Variants in FREM3 observed in about 807,000 individuals in gnomAD.
FREM3 encodes the protein FRAS1 related extracellular matrix 3, also known as FRAS1-related extracellular matrix protein 3.
FREM3 carries 105 observed loss-of-function variants against 129.1 expected under a neutral mutation model. That is an observed-to-expected ratio of 0.81 (90% CI 0.69 to 0.96). The LOEUF is 0.96. Among genes scored for constraint, FREM3 ranks in the 40% least tolerant of loss-of-function variants. The pLI, the probability that FREM3 is intolerant of heterozygous loss-of-function variation, is 0.00. For synonymous variants in FREM3, 1,014 were observed against 1,044.9 expected (o/e 0.97, Z 0.57); for missense variants, 2,593 against 2,666.3 (o/e 0.97, Z 0.61).
chr4:143,661,712 C>T (rs146463716), intron 2 of FREM3, among the ~76,000 whole-genome samples: 3,945 of 152,286 alleles, frequency 0.026, 171 homozygotes, highest in African/African-American at 0.089. Context: ...GTGAATACAT[C>T]TGGTCCTGGA....
At chr4:143,620,919 G>T in intron 5 of FREM3, 118 bp downstream of exon 5, 2 of 995,982 alleles carry the variant, frequency 2.0e-6, no homozygotes, top group Non-Finnish European at 2.9e-6. Flanking sequence ...ACAATGAGGG[G>T]CCCAGGCATC....
chr4:143,649,210 A>G (rs932916455), intron 2 of FREM3: 11 of 152,252 alleles, frequency 7.2e-5, no homozygotes, highest in Non-Finnish European at 1.6e-4. Context: ...AAAGTTTTAA[A>G]TGGATTCTAT....
At position 143,593,904 on chromosome 4, in the gene FREM3, C is replaced by G. The variant is rs1383578983; in HGVS notation, c.6029-7911G>C. The stretch of plus-strand genomic sequence containing the variant: ...CTACCCAGTTTGAGCTTTCCAGCCG[C>G]TTTGGCTCAAGCCTCGGCAATGGCG... On this transcript the variant is annotated intron_variant, in intron 6 of 7. Coordinates refer to ENST00000329798, the MANE Select transcript of FREM3 (RefSeq NM_001168235.2). 2.0e-5 allele frequency among the ~76,000 whole-genome samples: 3 copies of G among 152,266 alleles called. No individual in the cohort carries two copies. In the East Asian group the frequency reaches 5.8e-4, roughly 29 times the overall value.
Position 143,697,802 on chromosome 4 carries a change from G to T in FREM3, c.2874C>A (p.Asp958Glu). 1 of 1,537,454 alleles carries T rather than the reference G, an allele frequency of 6.5e-7. No homozygotes were observed. ...TTTCAGTGGCTTTATTCTCTAGTAC[G>T]TCTATAGAAACATCCAATAATGAAC... ...RSSSLLDVSI[D>E]VLENKATEIT... The change falls in exon 1 of 8, where the codon GAC becomes GAA. Residue 958 changes from aspartate (D) to glutamate (E), a missense_variant. Physicochemically the swap from Asp to Glu is conservative, Grantham distance 45. Transcript: ENST00000329798.
intron 6 of FREM3, among the ~76,000 whole-genome samples, chr4:143,597,376 C>T (rs972939734): frequency 6.6e-6 from 1 of 152,084 alleles, no homozygotes; most frequent in Non-Finnish European, 1.5e-5. Context: ...AACTATAGTG[C>T]CCAAATGAAA....
intron 4 of FREM3, among the ~76,000 whole-genome samples, chr4:143,623,775 G>A: frequency 6.6e-6 from 1 of 152,142 alleles, no homozygotes; most frequent in South Asian, 2.1e-4. Flanking sequence ...ACTGTGAAAA[G>A]ATGGTGGCCC....
In FREM3 at chr4:143,695,562, G is replaced by T. The variant is rs1328908568; in HGVS notation, c.5114C>A (p.Thr1705Asn). Residue 1705 changes from threonine (T) to asparagine (N), a missense_variant, in exon 1 of 8, where the codon ACC (threonine) becomes AAC (asparagine). By Grantham distance (65) the Thr-to-Asn change is moderately conservative. This residue lies in a region of FREM3 where 2,276 missense variants were observed against 2,267.2 expected (regional missense o/e 1.00). Coordinates refer to ENST00000329798, the MANE Select transcript of FREM3 (RefSeq NM_001168235.2). The stretch of plus-strand genomic sequence containing the variant: ...AATGAAGCCATGCTCTGGTCCTCTG[G>T]TCACTTTATACTTCAGAAGCCTGTG... ...SPHRLLKYKV[T>N]RGPEHGFIIK... 11 of 1,537,348 alleles carry T rather than the reference G, an allele frequency of 7.2e-6. No homozygotes were observed. The East Asian group carries it at 2.7e-4, about 38-fold the overall frequency.
Position 143,627,750 on chromosome 4 carries a change from T to C in FREM3, c.5286A>G (p.Lys1762=), listed in dbSNP as rs541068220. 43 of 1,535,088 alleles carry C rather than the reference T, an allele frequency of 2.8e-5. No individual in the cohort carries two copies. The African/African-American group carries it at 5.2e-4, about 19-fold the overall frequency. The change falls in exon 3 of 8, where the codon AAA becomes AAG. Residue 1762 remains lysine (K), a synonymous_variant. Transcript: ENST00000329798. ...YFSVEDNGGN[K]LTNQPFHLNW... The stretch of plus-strand genomic sequence containing the variant: ...TTAGATGGAAAGGCTGATTTGTTAG[T>C]TTATTTCCTCCTGCAATTGATAGGG...
chr4:143,596,384 G>A (rs1288630829), intron 6 of FREM3, among the ~76,000 whole-genome samples: 1 of 152,146 alleles, frequency 6.6e-6, no homozygotes, highest in East Asian at 1.9e-4. Flanking sequence ...GTGATGGAGT[G>A]GAAGAGGTGA....
chr4:143,653,269 A>G (rs1165495058), intron 2 of FREM3, among the ~76,000 whole-genome samples: 1 of 152,228 alleles, frequency 6.6e-6, no homozygotes, highest in Non-Finnish European at 1.5e-5. Context: ...GCTGGACTGC[A>G]TTCTCATCTG....
chr4:143,618,556 C>A (rs1738892000), intron 5 of FREM3, among the ~76,000 whole-genome samples: 1 of 152,050 alleles, frequency 6.6e-6, no homozygotes, highest in Admixed American at 6.6e-5. Flanking sequence ...CAAACTTAAC[C>A]TGCCTTGCTT....
intron 6 of FREM3, among the ~76,000 whole-genome samples, chr4:143,600,000 G>A (rs574826552): frequency 6.6e-6 from 1 of 152,150 alleles, no homozygotes. Context: ...AAAATCTAGT[G>A]GTTGGTCTTC....
chr4:143,656,149 C>T (rs1280700278), intron 2 of FREM3, among the ~76,000 whole-genome samples: 1 of 151,934 alleles, frequency 6.6e-6, no homozygotes, highest in Non-Finnish European at 1.5e-5. Flanking sequence ...AGATAAACAC[C>T]CAAGCCTAAA....
chr4:143,630,371 A>C (rs1022910546), intron 2 of FREM3, among the ~76,000 whole-genome samples: 2 of 152,212 alleles, frequency 1.3e-5, no homozygotes, highest in African/African-American at 4.8e-5. Flanking sequence ...CTAGTTTCAT[A>C]GGAACAGCCT....
At chr4:143,683,989 C>T (rs571251211) in intron 2 of FREM3, among the ~76,000 whole-genome samples, 3 of 152,180 alleles carry the variant, frequency 2.0e-5, no homozygotes, top group African/African-American at 4.8e-5. Flanking sequence ...TTCCCCACAG[C>T]AGCTGCTGCA....
intron 6 of FREM3, 22 bp from the exon 7 acceptor site, chr4:143,586,015 C>A (rs2149833603): frequency 6.5e-7 from 1 of 1,536,972 alleles, no homozygotes; most frequent in Non-Finnish European, 8.7e-7. Flanking sequence ...AAAAAAGATA[C>A]ACTAAGAATG....
At chr4:143,658,628 C>G (rs1024949023) in intron 2 of FREM3, among the ~76,000 whole-genome samples, 1 of 152,194 alleles carries the variant, frequency 6.6e-6, no homozygotes, top group Non-Finnish European at 1.5e-5. Context: ...CAACCTGTGG[C>G]CCCTGGGCGG....
At position 143,699,947 on chromosome 4, in the gene FREM3, CT is replaced by C. The variant is rs763270638; in HGVS notation, c.728del (p.Glu243GlyfsTer25). 6 of 1,530,924 alleles carry C rather than the reference CT, an allele frequency of 3.9e-6. No homozygotes were observed. Among genetic ancestry groups the C allele is most frequent in the Non-Finnish European group, 5.2e-6 (6 of 1,143,634 alleles). The allele number at this position is 1,530,924 out of a possible 1,614,324, so 94.8% of individuals were successfully genotyped here. On this transcript the variant is annotated frameshift_variant, in exon 1 of 8. Coordinates refer to ENST00000329798, the MANE Select transcript of FREM3 (RefSeq NM_001168235.2). LOFTEE classifies it high-confidence loss of function. The surrounding 1 kb of genome is among the most constrained non-coding windows in gnomAD (Gnocchi z 4.2). The stretch of plus-strand genomic sequence containing the variant: ...AGCGCACCCCAGCACGGAGGAAAGC[CT>C]CACAGTCTACGCCCTTGCCCCTGGG... ...PLPRGKGVDC[E>X]AFLRAGVRYQ...
intron 2 of FREM3, among the ~76,000 whole-genome samples, chr4:143,640,281 C>A (rs1027744927): frequency 1.2e-4 from 18 of 152,134 alleles, no homozygotes; most frequent in African/African-American, 4.1e-4. Context: ...CAGTTCCTGG[C>A]AATTAACAGG....
Sources: gnomAD v4.1 joint callset for allele counts (sites outside exome capture counted in the v4.1 genomes callset) on GRCh38, gnomAD v4.1.1 for gene constraint, gnomAD v4.1.1 regional missense constraint, Gnocchi (gnomAD v3.1) non-coding constraint, MANE v1.5 for transcripts, NCBI Gene and HGNC (gene_info 2026-07-23, HGNC 2026-07-21) for gene names.